Variants in DNAJC1 observed in about 807,000 individuals in gnomAD.
The protein encoded by DNAJC1 is dnaJ homolog subfamily C member 1.
DNAJC1 carries 58 observed loss-of-function variants against 76.6 expected under a neutral mutation model. The observed-to-expected ratio is 0.76, with a 90% confidence interval of 0.61 to 0.94. The LOEUF (loss-of-function observed/expected upper bound fraction) is 0.94, where lower values mean the gene tolerates loss of function less well. Ranked by LOEUF, DNAJC1 falls within the 40% of genes least tolerant of loss-of-function variation. The pLI is 0.00. For synonymous variants in DNAJC1, 258 were observed against 267.9 expected, an observed-to-expected ratio of 0.96 and a Z score of 0.36; for missense variants, 689 against 677.3, an observed-to-expected ratio of 1.02 and a Z score of -0.19.
At chr10:21,859,574 CAT>C (rs1399312714) in intron 8 of DNAJC1, among the ~76,000 whole-genome samples, 1 of 151,092 alleles carries the variant, frequency 6.6e-6, no homozygotes, top group Admixed American at 6.6e-5. Flanking sequence ...CCCCTATAGA[CAT>C]AGACATAGGG....
intron 9 of DNAJC1, among the ~76,000 whole-genome samples, chr10:21,772,246 G>A (rs1834388545): frequency 1.4e-5 from 2 of 145,840 alleles, no homozygotes; most frequent in South Asian, 2.2e-4. Flanking sequence ...ATCATAAAAT[G>A]AGATGAGAAA....
At chr10:21,995,871 A>G (rs1446795966) in intron 1 of DNAJC1, among the ~76,000 whole-genome samples, 3 of 152,214 alleles carry the variant, frequency 2.0e-5, no homozygotes, top group Non-Finnish European at 2.9e-5. Flanking sequence ...TAAATTCTAG[A>G]TTAAATTTCT....
At chr10:21,981,163 A>C (rs938110210) in intron 1 of DNAJC1, among the ~76,000 whole-genome samples, 2 of 152,188 alleles carry the variant, frequency 1.3e-5, no homozygotes, top group Admixed American at 6.5e-5. Context: ...ACTGAAGTCA[A>C]ACCAGATCTC....
intron 9 of DNAJC1, among the ~76,000 whole-genome samples, chr10:21,798,080 C>A (rs1589984437): frequency 6.6e-6 from 1 of 152,210 alleles, no homozygotes; most frequent in East Asian, 1.9e-4. Context: ...ATGCACCTTA[C>A]ACACACAGGC....
intron 1 of DNAJC1, among the ~76,000 whole-genome samples, chr10:21,982,691 C>A: frequency 6.6e-6 from 1 of 150,580 alleles, no homozygotes; most frequent in African/African-American, 2.4e-5. Flanking sequence ...ACAGTTACTA[C>A]CTCTCACCTA....
chr10:21,990,474 T>C (rs762544539), intron 1 of DNAJC1, among the ~76,000 whole-genome samples: 11 of 152,310 alleles, frequency 7.2e-5, no homozygotes, highest in Non-Finnish European at 1.5e-4. Context: ...AGAAGAAGTA[T>C]ATGTTCAGGG....
chr10:21,998,406 A>AG (rs1486527369), intron 1 of DNAJC1, among the ~76,000 whole-genome samples: 27 of 151,638 alleles, frequency 1.8e-4, no homozygotes, highest in Admixed American at 4.6e-4. Context: ...AAAAAAAAAA[A>AG]AAAGAAATAC....
Position 22,003,406 on chromosome 10 carries a change from T to A in DNAJC1, c.29A>T (p.Gln10Leu). ...CCCGAGCTGGCGGCGTCCAGGAAGC[T>A]GCGCCGGCTGGGAGCAAGGAGCCGT... Reference protein sequence around the residue: MTAPCSQPAQLPGRRQLGLV... With the variant: MTAPCSQPALLPGRRQLGLV... Residue 10 changes from glutamine (Q) to leucine (L), a missense_variant, in exon 1 of 12, where the codon CAG (glutamine) becomes CTG (leucine). Coordinates refer to ENST00000376980, the MANE Select transcript of DNAJC1 (RefSeq NM_022365.4). The A allele has an allele frequency of 1.5e-6, 2 of 1,372,104 alleles. No homozygotes were observed. The highest frequency in any genetic ancestry group is 1.9e-6 in the Non-Finnish European group (2 of 1,065,038). The allele number at this position is 1,372,104 out of a possible 1,614,324, so 85.0% of individuals were successfully genotyped here. A position where few individuals can be genotyped will look rare whatever the true frequency, so the allele number is the denominator to read the frequency against.
At chr10:21,921,083 T>C (rs1192926612) in intron 3 of DNAJC1, 120 bp from the exon 4 acceptor site, 32 of 847,422 alleles carry the variant, frequency 3.8e-5, no homozygotes, top group African/African-American at 5.2e-5. Flanking sequence ...ATAATGTTTA[T>C]GTACGTTCCC....
chr10:21,791,797 C>CAAAAGAAA, intron 9 of DNAJC1, among the ~76,000 whole-genome samples: 1 of 152,030 alleles, frequency 6.6e-6, no homozygotes, highest in East Asian at 1.9e-4. Context: ...AATAAATAAC[C>CAAAAGAAA]TAATGATGCA....
rs1837168796 is a variant in DNAJC1 at position 21,928,675 on chromosome 10, T to C, written c.325-123A>G. On this transcript the variant is annotated intron_variant, in intron 2 of 11. Coordinates refer to ENST00000376980, the MANE Select transcript of DNAJC1 (RefSeq NM_022365.4). Reference sequence around the variant, plus strand: ...TGTGCCTATATATACAATAAACAGATGAAATCTCCTTTATAAGTAACACTA... The same window carrying C: ...TGTGCCTATATATACAATAAACAGACGAAATCTCCTTTATAAGTAACACTA... 5 of 702,078 alleles carry C rather than the reference T, an allele frequency of 7.1e-6. No homozygotes were observed. The East Asian group carries it at 7.9e-5, about 11-fold the overall frequency. 43.5% of individuals were successfully genotyped at this position (702,078 alleles called of 1,614,324 possible).
At chr10:21,892,806 T>C (rs954401280) in intron 7 of DNAJC1, among the ~76,000 whole-genome samples, 2 of 152,088 alleles carry the variant, frequency 1.3e-5, no homozygotes, top group Non-Finnish European at 2.9e-5. Flanking sequence ...AGACATTATA[T>C]AATGATAAAA....
At chr10:21,986,781 T>C (rs1332710339) in intron 1 of DNAJC1, among the ~76,000 whole-genome samples, 1 of 152,144 alleles carries the variant, frequency 6.6e-6, no homozygotes, top group African/African-American at 2.4e-5. Context: ...TTGTTTTTTT[T>C]CTTGAGACAG....
chr10:21,819,018 G>A (rs766308568), intron 8 of DNAJC1, among the ~76,000 whole-genome samples: 12 of 152,260 alleles, frequency 7.9e-5, no homozygotes, highest in Middle Eastern at 3.4e-3. Flanking sequence ...AAGCAAAATC[G>A]TATTTAAGGA....
At chr10:21,949,160 T>C (rs1484815405) in intron 1 of DNAJC1, among the ~76,000 whole-genome samples, 1 of 152,178 alleles carries the variant, frequency 6.6e-6, no homozygotes, top group Non-Finnish European at 1.5e-5. Context: ...ATGAAATAAC[T>C]GTACCTAACC....
chr10:21,869,463 T>A (rs1219320386), intron 8 of DNAJC1, among the ~76,000 whole-genome samples: 3 of 152,098 alleles, frequency 2.0e-5, no homozygotes, highest in Non-Finnish European at 4.4e-5. Flanking sequence ...TAAACCAATG[T>A]ATACCTTATA....
intron 8 of DNAJC1, among the ~76,000 whole-genome samples, chr10:21,827,066 C>T (rs982441189): frequency 6.6e-6 from 1 of 151,788 alleles, no homozygotes; most frequent in African/African-American, 2.4e-5. Context: ...AACATTAAGT[C>T]TTCCAATCCA....
chr10:21,984,047 G>A (rs1031319729), intron 1 of DNAJC1, among the ~76,000 whole-genome samples: 22 of 152,270 alleles, frequency 1.4e-4, no homozygotes, highest in African/African-American at 5.3e-4. Context: ...AGCAGTTACT[G>A]AGGCCAATAA....
intron 7 of DNAJC1, among the ~76,000 whole-genome samples, chr10:21,888,986 C>T (rs551723980): frequency 6.6e-6 from 1 of 152,154 alleles, no homozygotes; most frequent in Non-Finnish European, 1.5e-5. Context: ...AATAAATAAG[C>T]TTTAAAAAAA....
Sources: allele counts gnomAD v4.1 joint callset (sites outside exome capture counted in the v4.1 genomes callset), GRCh38; gene constraint gnomAD v4.1.1; transcripts MANE v1.5; gene names NCBI Gene and HGNC (gene_info 2026-07-23, HGNC 2026-07-21).